The following PCDHA3 variants were observed in gnomAD, a reference collection of about 807,000 sequenced individuals.
PCDHA3 encodes the protein protocadherin alpha-3.
A neutral mutation model predicts 62.2 loss-of-function variants in PCDHA3; 41 were observed. The ratio of observed to expected loss-of-function variants is 0.66; its 90% CI spans 0.51 to 0.86. The LOEUF (loss-of-function observed/expected upper bound fraction) is 0.86. PCDHA3 is among the 40% of genes least tolerant of loss of function. The probability of loss-of-function intolerance (pLI) is 0.00; values close to 1 mark genes in which losing one functional copy is unlikely to be tolerated. For missense variants in PCDHA3, 1,304 were observed against 1,241.2 expected, an observed-to-expected ratio of 1.05 and a Z score of -0.76; for synonymous variants, 640 against 555.4, an observed-to-expected ratio of 1.15 and a Z score of -2.14.
chr5:140,905,843 T>C (rs1554192236), intron 1 of PCDHA3, among the ~76,000 whole-genome samples: 1 of 152,126 alleles, frequency 6.6e-6, no homozygotes, highest in South Asian at 2.1e-4. Flanking sequence ...GGGAGTTTAT[T>C]AAGGAGTATT....
intron 1 of PCDHA3, chr5:140,870,518 A>G: frequency 6.2e-7 from 1 of 1,614,230 alleles, no homozygotes; most frequent in Admixed American, 1.7e-5. Context: ...CCAGGCTGCC[A>G]CATCTTCACA....
rs114640080 is a variant in PCDHA3, at chr5:140,841,887, A to C, written c.2394+38296A>C. The C allele has an allele frequency of 8.3e-4, 1,346 of 1,613,824 alleles. 14 individuals are homozygous for C. In the African/African-American group the frequency reaches 0.016, roughly 20 times the overall value. ...GATGTGAATTCAAAGAACGATGAGA[A>C]TAAACTGGTTGAGCTCGTATTAAGA... On this transcript the variant is annotated intron_variant, in intron 1 of 3. Transcript: ENST00000522353.
At chr5:140,809,024 C>G in intron 1 of PCDHA3, 1 of 1,613,696 alleles carries the variant, frequency 6.2e-7, no homozygotes, top group African/African-American at 1.3e-5. Flanking sequence ...CGAGCTGCAG[C>G]CGGGGACTGG....
intron 1 of PCDHA3, among the ~76,000 whole-genome samples, chr5:140,937,175 C>A: frequency 6.6e-6 from 1 of 151,650 alleles, no homozygotes; most frequent in Non-Finnish European, 1.5e-5. Context: ...GTAGCTGGGA[C>A]TACAGGCGCC....
chr5:140,994,105 A>G (rs1264024543), intron 3 of PCDHA3, among the ~76,000 whole-genome samples: 2 of 152,226 alleles, frequency 1.3e-5, no homozygotes, highest in African/African-American at 2.4e-5. Context: ...TGGAAATATT[A>G]CATTGTCATG....
At chr5:140,865,051 T>A (rs1228832316) in intron 1 of PCDHA3, 1 of 151,882 alleles carries the variant, frequency 6.6e-6, no homozygotes, top group Admixed American at 6.6e-5. Flanking sequence ...AATGTCATTG[T>A]TTTTAATAAC....
intron 1 of PCDHA3, chr5:140,830,254 G>A: frequency 6.2e-7 from 1 of 1,613,692 alleles, no homozygotes; most frequent in East Asian, 2.2e-5. Flanking sequence ...ACACAGCGCT[G>A]CGGTGCTCGG....
At chr5:140,932,124 A>G (rs2088056676) in intron 1 of PCDHA3, among the ~76,000 whole-genome samples, 1 of 151,956 alleles carries the variant, frequency 6.6e-6, no homozygotes, top group Admixed American at 6.5e-5. Flanking sequence ...GATAATATTT[A>G]AGATATAAAC....
intron 1 of PCDHA3, chr5:140,856,391 G>A (rs1554148627): frequency 6.3e-7 from 1 of 1,598,560 alleles, no homozygotes; most frequent in Non-Finnish European, 8.6e-7. Context: ...GCCGCTGCAG[G>A]TTTTCCATGT....
chr5:140,852,598 AT>A, intron 1 of PCDHA3: 1 of 898,436 alleles, frequency 1.1e-6, no homozygotes, highest in Non-Finnish European at 1.3e-6. Context: ...TTTTTTTGTC[AT>A]TTTCTTTCAA....
At chr5:140,808,104 G>C in intron 1 of PCDHA3, 1 of 1,613,884 alleles carries the variant, frequency 6.2e-7, no homozygotes, top group Non-Finnish European at 8.5e-7. Flanking sequence ...ATTGTAAAGG[G>C]ATATATTGAC....
intron 1 of PCDHA3, among the ~76,000 whole-genome samples, chr5:140,920,166 A>G (rs539079245): frequency 2.2e-4 from 34 of 152,328 alleles, no homozygotes; most frequent in African/African-American, 7.9e-4. Flanking sequence ...AACTGTCTTA[A>G]GCAACCCAGT....
At chr5:140,878,879 G>A (rs1315306611) in intron 1 of PCDHA3, among the ~76,000 whole-genome samples, 4 of 152,204 alleles carry the variant, frequency 2.6e-5, no homozygotes, top group Admixed American at 6.5e-5. Flanking sequence ...AGCCTTTCAA[G>A]TAGCTGAGAC....
chr5:140,870,391 G>C, intron 1 of PCDHA3: 1 of 1,614,230 alleles, frequency 6.2e-7, no homozygotes, highest in Non-Finnish European at 8.5e-7. Flanking sequence ...GCGGGATGGG[G>C]GTTCGCCTTC....
intron 1 of PCDHA3, chr5:140,821,729 A>G (rs1554128163): frequency 1.3e-6 from 2 of 1,520,058 alleles, no homozygotes; most frequent in Non-Finnish European, 1.8e-6. Context: ...TACAAAATAC[A>G]TTGTGTGGTG....
chr5:140,848,583 C>T (rs2040479456), intron 1 of PCDHA3: 1 of 1,595,014 alleles, frequency 6.3e-7, no homozygotes, highest in Non-Finnish European at 8.6e-7. Flanking sequence ...GGGGAGCGGC[C>T]AGCTCCACTA....
At chr5:140,813,618 A>G (rs1380677794) in intron 1 of PCDHA3, 1 of 152,222 alleles carries the variant, frequency 6.6e-6, no homozygotes, top group East Asian at 1.9e-4. Flanking sequence ...TGGTGAGTGA[A>G]TGTGAAGGCC....
Position 140,801,368 on chromosome 5 carries a change from G to C in PCDHA3, c.171G>C (p.Ala57=). ...RIAQDLGLEL[A]ELVPRLFRVA... is the part of the protein sequence containing the mutation. ...CGCAGGACCTGGGGCTGGAGCTGGC[G>C]GAGCTGGTGCCGCGCCTGTTCCGGG... The change falls in exon 1 of 4, where the codon GCG becomes GCC. Residue 57 remains alanine (A), a synonymous_variant. Transcript: ENST00000522353. 6.2e-7 allele frequency: 1 copy of C among 1,613,492 alleles called. No homozygotes were observed. Among genetic ancestry groups the C allele is most frequent in the South Asian group, 1.1e-5 (1 of 91,040 alleles).
rs552604909 is a variant in PCDHA3, at chr5:141,005,474, C to T, written c.2543-4153C>T. ...ATCCCAGCACTTTGGGAGGCCGAGACGGGCGGATCATGAGGTCAGGAGATC... is the reference window on the plus strand; with the variant it reads ...ATCCCAGCACTTTGGGAGGCCGAGATGGGCGGATCATGAGGTCAGGAGATC... On this transcript the variant is annotated intron_variant, in intron 3 of 3. Coordinates refer to ENST00000522353, the MANE Select transcript of PCDHA3 (RefSeq NM_018906.3). 1.6e-3 allele frequency among the ~76,000 whole-genome samples: 236 copies of T among 151,848 alleles called. 1 individual carries two copies. The highest frequency in any genetic ancestry group is 4.9e-3 in the African/African-American group (204 of 41,424).
Sources: allele counts gnomAD v4.1 joint callset (sites outside exome capture counted in the v4.1 genomes callset), GRCh38; gene constraint gnomAD v4.1.1; transcripts MANE v1.5; gene names NCBI Gene and HGNC (gene_info 2026-07-23, HGNC 2026-07-21).